The following PDE1A variants were observed in gnomAD, a reference collection of about 807,000 sequenced individuals.
The protein encoded by PDE1A is dual specificity calcium/calmodulin-dependent 3',5'-cyclic nucleotide phosphodiesterase 1A.
PDE1A carries 35 observed loss-of-function variants against 61.7 expected under a neutral mutation model. The observed-to-expected ratio is 0.57, with a 90% confidence interval of 0.43 to 0.75. PDE1A has a LOEUF of 0.75. PDE1A is among the 30% of genes least tolerant of loss of function. PDE1A has a pLI of 0.00. For missense variants in PDE1A, 597 were observed against 630.6 expected, an observed-to-expected ratio of 0.95 and a Z score of 0.57; for synonymous variants, 232 against 213.2, an observed-to-expected ratio of 1.09 and a Z score of -0.77.
intron 13 of PDE1A, among the ~76,000 whole-genome samples, chr2:182,172,399 G>C (rs1279305324): frequency 1.3e-5 from 2 of 152,012 alleles, no homozygotes; most frequent in African/African-American, 4.8e-5. Context: ...GACTTAATTA[G>C]TGGTTCTCAA....
chr2:182,367,313 T>C (rs773164387), intron 1 of PDE1A, among the ~76,000 whole-genome samples: 26 of 152,074 alleles, frequency 1.7e-4, no homozygotes, highest in Non-Finnish European at 2.6e-4. Flanking sequence ...TAGAATCAGA[T>C]GTAAAAATAA....
the PDE1A span, among the ~76,000 whole-genome samples, chr2:182,652,625 G>C: frequency 2.0e-5 from 3 of 152,002 alleles, no homozygotes; most frequent in Non-Finnish European, 4.4e-5. Context: ...TCCACCCCTG[G>C]TACCATTGAG....
intron 1 of PDE1A, among the ~76,000 whole-genome samples, chr2:182,267,446 C>A (rs1692715571): frequency 6.6e-6 from 1 of 151,132 alleles, no homozygotes; most frequent in Non-Finnish European, 1.5e-5. Context: ...CACACACACA[C>A]ACACACACAC....
chr2:182,387,121 C>A (rs1365315069), intron 1 of PDE1A, among the ~76,000 whole-genome samples: 2 of 152,262 alleles, frequency 1.3e-5, no homozygotes, highest in Admixed American at 1.3e-4. Context: ...ACCTTACCCC[C>A]AACCCTGTGC....
chr2:182,252,726 T>A (rs1416777073), intron 2 of PDE1A, among the ~76,000 whole-genome samples: 2 of 152,106 alleles, frequency 1.3e-5, no homozygotes, highest in Admixed American at 6.5e-5. Context: ...CCCCACCCTA[T>A]CCCCAGCCCC....
At chr2:182,713,973 C>T in the PDE1A span, among the ~76,000 whole-genome samples, 1 of 152,198 alleles carries the variant, frequency 6.6e-6, no homozygotes, top group African/African-American at 2.4e-5. Flanking sequence ...CTATAACCTC[C>T]TAATTGCCAG....
chr2:182,312,977 C>A (rs1262663986), intron 1 of PDE1A, among the ~76,000 whole-genome samples: 1 of 152,098 alleles, frequency 6.6e-6, no homozygotes, highest in Non-Finnish European at 1.5e-5. Context: ...TTTCTTTCTG[C>A]AATGCTTTAA....
intron 8 of PDE1A, among the ~76,000 whole-genome samples, chr2:182,204,828 G>T (rs1487842656): frequency 2.6e-5 from 4 of 152,144 alleles, no homozygotes; most frequent in Non-Finnish European, 5.9e-5. Flanking sequence ...AAAATGAAAG[G>T]CCTGAACTGT....
At chr2:182,593,047 G>A in the PDE1A span, among the ~76,000 whole-genome samples, 18 of 151,518 alleles carry the variant, frequency 1.2e-4, no homozygotes, top group African/African-American at 3.9e-4. Context: ...ATAATTAAAC[G>A]TATCTACACA....
chr2:182,541,589 T>C, the PDE1A span, among the ~76,000 whole-genome samples: 1 of 152,216 alleles, frequency 6.6e-6, no homozygotes, highest in Non-Finnish European at 1.5e-5. Flanking sequence ...TATTATGCTA[T>C]TGAAGGGCTG....
At chr2:182,391,054 A>G (rs1701391322) in intron 1 of PDE1A, among the ~76,000 whole-genome samples, 1 of 152,216 alleles carries the variant, frequency 6.6e-6, no homozygotes, top group East Asian at 1.9e-4. Flanking sequence ...CAGGAGGTGC[A>G]CAAAATTCCA....
At chr2:182,626,738 CAT>C in the PDE1A span, among the ~76,000 whole-genome samples, 15 of 13,956 alleles carry the variant, frequency 1.1e-3, 2 homozygotes, top group African/African-American at 3.3e-3. Context: ...TATATATATA[CAT>C]ATATATACAT....
chr2:182,366,832 G>A lies in PDE1A; in HGVS notation c.53+59746C>T, dbSNP rs550278675. Among the ~76,000 whole-genome samples the A allele has an allele frequency of 3.3e-5, 5 of 152,076 alleles. No individual in the cohort carries two copies. The South Asian group carries it at 6.2e-4, about 19-fold the overall frequency. The stretch of plus-strand genomic sequence containing the variant: ...GTTTTGACTAGTGGGCTTGGCAGTC[G>A]TGGCTAATGTGGAACAATAAGAGCA... On this transcript the variant is annotated intron_variant, in intron 1 of 13. Transcript: ENST00000351439.
chr2:182,614,553 C>CTTTTTTTTT, the PDE1A span, among the ~76,000 whole-genome samples: 1 of 112,616 alleles, frequency 8.9e-6, no homozygotes, highest in East Asian at 2.7e-4. Context: ...ACTAGCATAT[C>CTTTTTTTTT]TTTTTTTTTT....
At chr2:182,536,938 C>T in the PDE1A span, among the ~76,000 whole-genome samples, 1 of 152,168 alleles carries the variant, frequency 6.6e-6, no homozygotes, top group Non-Finnish European at 1.5e-5. Flanking sequence ...CCCACGTGTT[C>T]TAGTCCCCAG....
At chr2:182,146,460 A>C (rs1167231586), downstream of PDE1A, among the ~76,000 whole-genome samples, 1 of 152,118 alleles carries the variant, frequency 6.6e-6, no homozygotes, top group Non-Finnish European at 1.5e-5. Flanking sequence ...AGGATTAAAC[A>C]TCCCCATGAA....
At chr2:182,218,195 C>A (rs912914300) in intron 7 of PDE1A, among the ~76,000 whole-genome samples, 2 of 147,924 alleles carry the variant, frequency 1.4e-5, no homozygotes, top group African/African-American at 5.0e-5. Flanking sequence ...CGCATATTCT[C>A]ACTCATAGGT....
intron 1 of PDE1A, among the ~76,000 whole-genome samples, chr2:182,351,890 A>T (rs1171277370): frequency 6.6e-6 from 1 of 152,330 alleles, no homozygotes; most frequent in East Asian, 1.9e-4. Context: ...AAATAGGTAG[A>T]TGCATATTAA....
At chr2:182,591,026 T>C in the PDE1A span, among the ~76,000 whole-genome samples, 4 of 152,224 alleles carry the variant, frequency 2.6e-5, no homozygotes, top group South Asian at 2.1e-4. Flanking sequence ...CTATTGAATA[T>C]ACAAAACAAA....
Sources: allele counts gnomAD v4.1 joint callset (sites outside exome capture counted in the v4.1 genomes callset), GRCh38; gene constraint gnomAD v4.1.1; transcripts MANE v1.5; gene names NCBI Gene and HGNC (gene_info 2026-07-23, HGNC 2026-07-21).